The following TNIK variants were observed in gnomAD, a reference collection of about 807,000 sequenced individuals.
TNIK encodes the protein TRAF2 and NCK interacting kinase, also known as TRAF2 and NCK-interacting protein kinase.
Under a neutral mutation model 191.3 loss-of-function variants are expected in TNIK, and 49 were observed. That is an observed-to-expected ratio of 0.26 (90% CI 0.20 to 0.32). TNIK has a LOEUF of 0.32. Among genes scored for constraint, TNIK ranks in the 10% least tolerant of loss-of-function variants. TNIK has a pLI of 1.00. For synonymous variants in TNIK, 594 were observed against 600.9 expected (o/e 0.99, Z 0.17); for missense variants, 1,155 against 1,702.3 (o/e 0.68, Z 5.66).
At chr3:171,248,562 A>T (rs1745871798) in intron 2 of TNIK, among the ~76,000 whole-genome samples, 1 of 152,202 alleles carries the variant, frequency 6.6e-6, no homozygotes. Context: ...CTGACAAAAG[A>T]CCCGAGGGCT....
chr3:171,279,682 A>AATG (rs1223195614), intron 2 of TNIK, among the ~76,000 whole-genome samples: 6 of 151,218 alleles, frequency 4.0e-5, no homozygotes, highest in African/African-American at 1.5e-4. Flanking sequence ...TGACAATAGC[A>AATG]ATGACGATGA....
At chr3:171,427,159 A>T (rs1295395164) in intron 1 of TNIK, among the ~76,000 whole-genome samples, 1 of 152,164 alleles carries the variant, frequency 6.6e-6, no homozygotes, top group South Asian at 2.1e-4. Context: ...CTATATCTTC[A>T]TCAGACTGCC....
intron 12 of TNIK, among the ~76,000 whole-genome samples, chr3:171,150,046 G>A (rs1269770730): frequency 6.6e-6 from 1 of 151,636 alleles, no homozygotes; most frequent in Non-Finnish European, 1.5e-5. Flanking sequence ...TGGTCCAGTG[G>A]GTAGAAATGC....
Position 171,144,626 on chromosome 3 carries a change from C to T in TNIK, c.1222-4117G>A, listed in dbSNP as rs76335547. On this transcript the variant is annotated intron_variant, in intron 12 of 32. Coordinates refer to ENST00000436636, the MANE Select transcript of TNIK (RefSeq NM_015028.4). ...TTAAACACTTACCATTGCTTTGTGACGAGAGTATTCAAAAACCTTTTATAG... is the reference window on the plus strand; with the variant it reads ...TTAAACACTTACCATTGCTTTGTGATGAGAGTATTCAAAAACCTTTTATAG... Among the ~76,000 whole-genome samples, 823 of 152,166 alleles carry T rather than the reference C, an allele frequency of 5.4e-3. 9 individuals are homozygous for T. Among genetic ancestry groups the T allele is most frequent in the African/African-American group, 0.019 (791 of 41,520 alleles).
intron 2 of TNIK, among the ~76,000 whole-genome samples, chr3:171,300,690 C>T (rs1281252097): frequency 2.6e-5 from 4 of 152,100 alleles, no homozygotes. Flanking sequence ...ACTGTTAGAC[C>T]TCATTAAAAA....
chr3:171,278,009 C>T (rs1183625735), intron 2 of TNIK, among the ~76,000 whole-genome samples: 1 of 152,182 alleles, frequency 6.6e-6, no homozygotes, highest in Non-Finnish European at 1.5e-5. Context: ...GCAGGGGTGA[C>T]AGAACAAGTC....
chr3:171,103,937 C>T (rs75461024), intron 21 of TNIK, among the ~76,000 whole-genome samples: 2 of 152,000 alleles, frequency 1.3e-5, no homozygotes, highest in Non-Finnish European at 1.5e-5. Context: ...AAATGACATA[C>T]ATTTTTCTAA....
In TNIK at chr3:171,139,462, C is replaced by G; in HGVS notation, c.1419+8G>C. 2 of 1,612,184 alleles carry G rather than the reference C, an allele frequency of 1.2e-6. No individual in the cohort carries two copies. Among genetic ancestry groups the G allele is most frequent in the Non-Finnish European group, 1.7e-6 (2 of 1,178,832 alleles). Reference sequence around the variant, plus strand: ...AGCAGGTCAGCTGGTTCTTGGCTTTCTCATTACCAGAAGTAGAGCTTGTTC... The same window carrying G: ...AGCAGGTCAGCTGGTTCTTGGCTTTGTCATTACCAGAAGTAGAGCTTGTTC... On this transcript the variant is annotated splice_region_variant and intron_variant, in intron 14 of 32. Transcript: ENST00000436636.
At chr3:171,128,655 A>G in intron 16 of TNIK, 59 bp downstream of exon 16, 1 of 1,538,938 alleles carries the variant, frequency 6.5e-7, no homozygotes, top group South Asian at 1.3e-5. Context: ...TAGGCTTTTA[A>G]TAATAGGTTT....
chr3:171,247,866 T>A (rs1745777657), intron 2 of TNIK, among the ~76,000 whole-genome samples: 1 of 150,936 alleles, frequency 6.6e-6, no homozygotes, highest in African/African-American at 2.4e-5. Flanking sequence ...GGGACAGACA[T>A]CAGTTTGTAT....
intron 18 of TNIK, among the ~76,000 whole-genome samples, chr3:171,118,701 T>A (rs545600182): frequency 6.6e-6 from 1 of 152,300 alleles, no homozygotes; most frequent in East Asian, 1.9e-4. Context: ...GGATTCCCTA[T>A]TTAATAAATG....
chr3:171,394,061 C>G (rs531231931), intron 1 of TNIK, among the ~76,000 whole-genome samples: 1 of 152,186 alleles, frequency 6.6e-6, no homozygotes, highest in African/African-American at 2.4e-5. Context: ...ATGAGTACAG[C>G]CATCTTTTCC....
rs139551463 is a variant in TNIK at position 171,191,635 on chromosome 3, A to T, written c.418-848T>A. On this transcript the variant is annotated intron_variant, in intron 5 of 32. Transcript: ENST00000436636. Reference sequence around the variant, plus strand: ...CCATTGTGCCTTACATTTAAAAAGGAATACAGTTTCTATTTCTTTTGTTGG... The same window carrying T: ...CCATTGTGCCTTACATTTAAAAAGGTATACAGTTTCTATTTCTTTTGTTGG... Among the ~76,000 whole-genome samples, 903 of 152,348 alleles carry T rather than the reference A, an allele frequency of 5.9e-3. 9 individuals carry two copies. Among genetic ancestry groups the T allele is most frequent in the Admixed American group, 9.5e-3 (145 of 15,308 alleles).
At chr3:171,279,511 C>A (rs898786291) in intron 2 of TNIK, among the ~76,000 whole-genome samples, 1 of 152,184 alleles carries the variant, frequency 6.6e-6, no homozygotes, top group Non-Finnish European at 1.5e-5. Flanking sequence ...CCTCCCACTG[C>A]AAATACATGA....
At chr3:171,379,260 A>C (rs1457418127) in intron 1 of TNIK, among the ~76,000 whole-genome samples, 2 of 152,258 alleles carry the variant, frequency 1.3e-5, no homozygotes, top group Non-Finnish European at 2.9e-5. Context: ...ACAGATGAAA[A>C]CAAATAATTC....
At chr3:171,300,841 C>T (rs963305024) in intron 2 of TNIK, among the ~76,000 whole-genome samples, 4 of 152,098 alleles carry the variant, frequency 2.6e-5, no homozygotes, top group African/African-American at 7.2e-5. Flanking sequence ...TTCCTTGATG[C>T]GGTTTCTGCC....
intron 2 of TNIK, among the ~76,000 whole-genome samples, chr3:171,232,128 T>G (rs1446032576): frequency 6.6e-6 from 1 of 152,144 alleles, no homozygotes; most frequent in Non-Finnish European, 1.5e-5. Flanking sequence ...CAATTCTAAT[T>G]TATTTTTCCT....
intron 22 of TNIK, among the ~76,000 whole-genome samples, chr3:171,098,989 TAAAC>T (rs544268803): frequency 1.8e-3 from 276 of 152,284 alleles, no homozygotes; most frequent in Middle Eastern, 3.4e-3. Context: ...TAAATGTTCT[TAAAC>T]AATCATTTCC....
intron 1 of TNIK, among the ~76,000 whole-genome samples, chr3:171,438,788 A>G (rs7645235): frequency 0.79 from 119,911 of 152,078 alleles, 47,612 homozygotes; most frequent in African/African-American, 0.89. Context: ...TAACAAAAGG[A>G]AGAGTGTGTG....
Sources: allele counts gnomAD v4.1 joint callset (sites outside exome capture counted in the v4.1 genomes callset), GRCh38; gene constraint gnomAD v4.1.1; transcripts MANE v1.5; gene names NCBI Gene and HGNC (gene_info 2026-07-23, HGNC 2026-07-21).